The following CTSF variants were observed in gnomAD, a reference collection of about 807,000 sequenced individuals.
The protein encoded by CTSF is cathepsin F.
Under a neutral mutation model 63.5 loss-of-function variants are expected in CTSF, and 65 were observed. That is an observed-to-expected ratio of 1.02 (90% CI 0.84 to 1.26). The LOEUF (loss-of-function observed/expected upper bound fraction) is 1.26. CTSF is among the 50% of genes most tolerant of loss of function. The pLI is 0.00. For missense variants in CTSF, 641 were observed against 631.0 expected, an observed-to-expected ratio of 1.02 and a Z score of -0.17; for synonymous variants, 256 against 258.1, an observed-to-expected ratio of 0.99 and a Z score of 0.08.
chr11:66,565,544 G>T, intron 8 of CTSF, 127 bp downstream of exon 8: 1 of 1,352,200 alleles, frequency 7.4e-7, no homozygotes, highest in Non-Finnish European at 1.0e-6. Context: ...GCCTGGCTGG[G>T]TCAGCATTAA....
chr11:66,563,780 G>T lies in CTSF; in HGVS notation c.*153C>A. ...GGGAATGGGGTGCAGGGAAGCAGGG[G>T]CTGTGCCCCAGCCCAGTGCCCTCTG... is the stretch of plus-strand genomic sequence containing the variant. On this transcript the variant is annotated 3_prime_UTR_variant, in exon 13 of 13. Coordinates refer to ENST00000310325, the MANE Select transcript of CTSF (RefSeq NM_003793.4). 2.3e-6 allele frequency: 2 copies of T among 872,474 alleles called. No homozygotes were observed. Among genetic ancestry groups the T allele is most frequent in the Non-Finnish European group, 3.5e-6 (2 of 571,298 alleles). The allele number at this position is 872,474 out of a possible 1,614,324, so 54.0% of individuals were successfully genotyped here. A position where few individuals can be genotyped will look rare whatever the true frequency, so the allele number is the denominator to read the frequency against.
chr11:66,566,159 ACTC>A lies in CTSF; in HGVS notation c.727_729del (p.Glu243del), dbSNP rs769735423. On this transcript the variant is annotated inframe_deletion, in exon 6 of 13. Coordinates refer to ENST00000310325, the MANE Select transcript of CTSF (RefSeq NM_003793.4). ...AGAGTATTCAGGTAGATAGTGCGGA[ACTC>A]CTCCTCTGCGGGCAAAGGTGGGCAG... 10 of 1,613,502 alleles carry A rather than the reference ACTC, an allele frequency of 6.2e-6. No homozygotes were observed. Among genetic ancestry groups the A allele is most frequent in the South Asian group, 1.1e-5 (1 of 91,042 alleles).
At chr11:66,568,144 C>A in intron 1 of CTSF, 62 bp from the exon 2 acceptor site, 1 of 1,574,126 alleles carries the variant, frequency 6.4e-7, no homozygotes, top group South Asian at 1.1e-5. Flanking sequence ...AGGCCCCGCC[C>A]GTGCGGCGCT....
intron 4 of CTSF, 125 bp downstream of exon 4, chr11:66,567,121 G>T: frequency 1.0e-6 from 1 of 992,046 alleles, no homozygotes. Flanking sequence ...GGAGAGCTCA[G>T]GAATTATGGG....
intron 10 of CTSF, 40 bp downstream of exon 10, chr11:66,564,702 A>C: frequency 1.2e-6 from 2 of 1,613,266 alleles, no homozygotes; most frequent in Non-Finnish European, 1.7e-6. Flanking sequence ...CGGGGAGGTC[A>C]ACAAGAGATG....
In CTSF at chr11:66,568,341, A is replaced by G. The variant is rs1857984090; in HGVS notation, c.146T>C (p.Met49Thr). 1 of 1,309,524 alleles carries G rather than the reference A, an allele frequency of 7.6e-7. No individual in the cohort carries two copies. The highest frequency in any genetic ancestry group is 3.1e-5 in the East Asian group (1 of 31,750). The allele number at this position is 1,309,524 out of a possible 1,614,324, so 81.1% of individuals were successfully genotyped here. A position where few individuals can be genotyped will look rare whatever the true frequency, so the allele number is the denominator to read the frequency against. ...CCCCGCAGCCCGGCCGCGGTTGAAC[A>G]TCTCCAGCGCGAAGCGGGTGGGCGC... Reference protein sequence around the residue: ...LLAPTRFALEMFNRGRAAGTR... With the variant: ...LLAPTRFALETFNRGRAAGTR... The change falls in exon 1 of 13, where the codon ATG becomes ACG. Residue 49 changes from methionine (M) to threonine (T), a missense_variant. Physicochemically the swap from Met to Thr is moderately conservative, Grantham distance 81. Transcript: ENST00000310325.
chr11:66,566,997 C>CG (rs1273513844), intron 4 of CTSF, among the ~76,000 whole-genome samples: 2 of 151,954 alleles, frequency 1.3e-5, no homozygotes, highest in Non-Finnish European at 2.9e-5. Context: ...CAAAGTACTG[C>CG]GATTACAGAG....
Position 66,565,714 on chromosome 11 carries a change from C to T in CTSF, c.1002G>A (p.Met334Ile). The part of the protein sequence containing the change: ...LDCDKMDKAC[M>I]GGLPSNAYSA... Reference sequence around the variant, plus strand: ...AGTAGGCATTGGAGGGCAAGCCGCCCATGCAGGCCTTGTCCATCTTGTCAC... The same window carrying T: ...AGTAGGCATTGGAGGGCAAGCCGCCTATGCAGGCCTTGTCCATCTTGTCAC... The change falls in exon 8 of 13, where the codon ATG (methionine) becomes ATA (isoleucine). Residue 334 changes from methionine to isoleucine, a missense_variant. By Grantham distance (10) the Met-to-Ile change is conservative. Transcript: ENST00000310325. The T allele has an allele frequency of 1.2e-6, 2 of 1,613,812 alleles. No homozygotes were observed. The highest frequency in any genetic ancestry group is 1.7e-4 in the Middle Eastern group (1 of 6,050).
rs1315981116 is a variant in CTSF at position 66,564,153 on chromosome 11, T to C, written c.1322-7A>G. ...CAAAAGGGAACGTCAGAGCCTGGGG[T>C]GCAGTGCAGAGCGCAAGGATCAGGG... On this transcript the variant is annotated splice_polypyrimidine_tract_variant and splice_region_variant and intron_variant, in intron 11 of 12. Coordinates refer to ENST00000310325, the MANE Select transcript of CTSF (RefSeq NM_003793.4). The C allele has an allele frequency of 6.2e-7, 1 of 1,609,634 alleles. No individual in the cohort carries two copies.
rs1448373102 is a variant in CTSF at position 66,566,117 on chromosome 11, C to T, written c.772G>A (p.Gly258Ser). ...YLNTLLRKEP[G>S]NKMKQAKSVG... is the part of the protein sequence containing the mutation. ...GACTTGGCTTGCTTCATCTTGTTGCCAGGCTCTTTCCTCAGGAGAGTATTC... is the reference window on the plus strand; with the variant it reads ...GACTTGGCTTGCTTCATCTTGTTGCTAGGCTCTTTCCTCAGGAGAGTATTC... The change falls in exon 6 of 13, where the codon GGC becomes AGC. Residue 258 changes from glycine (G) to serine (S), a missense_variant. Gly to Ser is a moderately conservative substitution (Grantham distance 56). Transcript: ENST00000310325. 5.6e-6 allele frequency: 9 copies of T among 1,614,028 alleles called. 1 individual carries two copies. Among genetic ancestry groups the T allele is most frequent in the East Asian group, 4.5e-5 (2 of 44,892 alleles).
In CTSF at chr11:66,568,002, G is replaced by C. The variant is rs776474440; in HGVS notation, c.294C>G (p.Pro98=). ...PCNDPMVCRL[P]VSKKTLLCSF... Reference sequence around the variant, plus strand: ...CACTCACCAGGGTTTTCTTGGACACGGGGAGCCGGCACACCATGGGGTCGT... The same window carrying C: ...CACTCACCAGGGTTTTCTTGGACACCGGGAGCCGGCACACCATGGGGTCGT... Residue 98 remains proline, a synonymous_variant, in exon 2 of 13, where the codon CCC becomes CCG. Coordinates refer to ENST00000310325, the MANE Select transcript of CTSF (RefSeq NM_003793.4). 1.3e-6 allele frequency: 2 copies of C among 1,594,684 alleles called. No homozygotes were observed. The highest frequency in any genetic ancestry group is 1.1e-5 in the South Asian group (1 of 89,044).
In CTSF at chr11:66,567,999, C is replaced by A. The variant is rs1463137336; in HGVS notation, c.297G>T (p.Val99=). 2 of 1,593,768 alleles carry A rather than the reference C, an allele frequency of 1.3e-6. No homozygotes were observed. Among genetic ancestry groups the A allele is most frequent in the Middle Eastern group, 1.7e-4 (1 of 5,984 alleles). The part of the protein sequence containing the change: ...CNDPMVCRLP[V]SKKTLLCSFQ... ...CATCACTCACCAGGGTTTTCTTGGA[C>A]ACGGGGAGCCGGCACACCATGGGGT... Residue 99 remains valine (V), a synonymous_variant, in exon 2 of 13, where the codon GTG becomes GTT. Coordinates refer to ENST00000310325, the MANE Select transcript of CTSF (RefSeq NM_003793.4).
intron 8 of CTSF, 55 bp from the exon 9 acceptor site, chr11:66,565,061 G>A (rs1857899509): frequency 4.0e-6 from 6 of 1,516,226 alleles, no homozygotes; most frequent in Non-Finnish European, 4.4e-6. Flanking sequence ...GCCATTCACA[G>A]CCAGAAATGA....
At position 66,568,589 on chromosome 11, in the gene CTSF, G is replaced by A. The variant is rs74759728; in HGVS notation, c.-103C>T. 4,689 of 1,329,982 alleles carry A rather than the reference G, an allele frequency of 3.5e-3. 122 individuals are homozygous for A. In the African/African-American group the frequency reaches 0.063, roughly 18 times the overall value. 82.4% of individuals were successfully genotyped at this position (1,329,982 alleles called of 1,614,324 possible). A position where few individuals can be genotyped will look rare whatever the true frequency, so the allele number is the denominator to read the frequency against. ...GCCTGAGTCCTCCCTCCAGCGGGGC[G>A]ACGGCACGCCGACCAATGGGCGCTG... is the stretch of plus-strand genomic sequence containing the variant. On this transcript the variant is annotated 5_prime_UTR_variant, in exon 1 of 13. Transcript: ENST00000310325.
chr11:66,565,698 T>G lies in CTSF; in HGVS notation c.1018A>C (p.Asn340His), dbSNP rs1419547521. ...DKACMGGLPS[N>H]AYSAIKNLGG... ...AAATTCTTTATGGCCGAGTAGGCAT[T>G]GGAGGGCAAGCCGCCCATGCAGGCC... The change falls in exon 8 of 13, where the codon AAT becomes CAT. Residue 340 changes from asparagine to histidine, a missense_variant. Transcript: ENST00000310325. 6.2e-7 allele frequency: 1 copy of G among 1,613,684 alleles called. No individual in the cohort carries two copies. Among genetic ancestry groups the G allele is most frequent in the African/African-American group, 1.3e-5 (1 of 75,052 alleles).
rs533325370 is a variant in CTSF at position 66,568,561 on chromosome 11, G to C, written c.-75C>G. ...ACCGGGTACCGAGCCCGCGGCCAGC[G>C]GGGCCTGAGTCCTCCCTCCAGCGGG... is the stretch of plus-strand genomic sequence containing the variant. On this transcript the variant is annotated 5_prime_UTR_variant, in exon 1 of 13. Transcript: ENST00000310325. 7 of 1,433,222 alleles carry C rather than the reference G, an allele frequency of 4.9e-6. No homozygotes were observed. The highest frequency in any genetic ancestry group is 6.1e-5 in the East Asian group (2 of 32,952). 88.8% of individuals were successfully genotyped at this position (1,433,222 alleles called of 1,614,324 possible).
At position 66,567,339 on chromosome 11, in the gene CTSF, T is replaced by C; in HGVS notation, c.532-18A>G. On this transcript the variant is annotated intron_variant, in intron 3 of 12. Coordinates refer to ENST00000310325, the MANE Select transcript of CTSF (RefSeq NM_003793.4). Reference sequence around the variant, plus strand: ...GGCAAGTCCTGGATAGGCAGACCAGTCTTTAGGCTGACCAGAGAAACCCAC... The same window carrying C: ...GGCAAGTCCTGGATAGGCAGACCAGCCTTTAGGCTGACCAGAGAAACCCAC... 6.2e-7 allele frequency: 1 copy of C among 1,613,992 alleles called. No homozygotes were observed. Among genetic ancestry groups the C allele is most frequent in the Non-Finnish European group, 8.5e-7 (1 of 1,179,942 alleles).
Position 66,566,417 on chromosome 11 carries a change from G to A in CTSF, c.608-13C>T, listed in dbSNP as rs1857934596. The A allele has an allele frequency of 6.2e-7, 1 of 1,612,936 alleles. No individual in the cohort carries two copies. The highest frequency in any genetic ancestry group is 1.7e-5 in the Admixed American group (1 of 59,962). Reference sequence around the variant, plus strand: ...CGCCACCGGGCTTCTGAGGACCAAGGAGCAGAAGAGGAGGGGTTCGACCCC... The same window carrying A: ...CGCCACCGGGCTTCTGAGGACCAAGAAGCAGAAGAGGAGGGGTTCGACCCC... On this transcript the variant is annotated splice_polypyrimidine_tract_variant and intron_variant, in intron 4 of 12. Coordinates refer to ENST00000310325, the MANE Select transcript of CTSF (RefSeq NM_003793.4).
Position 66,567,429 on chromosome 11 carries a change from C to CTGAG in CTSF, c.531+11_531+14dup, listed in dbSNP as rs757428276. ...CTCCTCAAGCTGAGGGCTCCTCAAG[C>CTGAG]TGAGGGCTCCTCACCTGGGACAGGG... On this transcript the variant is annotated intron_variant, in intron 3 of 12. Transcript: ENST00000310325. 1.9e-6 allele frequency: 3 copies of CTGAG among 1,609,480 alleles called. No individual in the cohort carries two copies. The highest frequency in any genetic ancestry group is 2.5e-6 in the Non-Finnish European group (3 of 1,179,244).
Sources: allele counts gnomAD v4.1 joint callset (sites outside exome capture counted in the v4.1 genomes callset), GRCh38; gene constraint gnomAD v4.1.1; transcripts MANE v1.5; gene names NCBI Gene and HGNC (gene_info 2026-07-23, HGNC 2026-07-21).